STK11IP: variants seen among roughly 807,000 people sequenced by gnomAD.
The protein encoded by STK11IP is serine/threonine-protein kinase 11-interacting protein.
STK11IP carries 103 observed loss-of-function variants against 131.7 expected under a neutral mutation model. That is an observed-to-expected ratio of 0.78 (90% confidence interval 0.67 to 0.92). The LOEUF (loss-of-function observed/expected upper bound fraction) is 0.92, where lower values mean the gene tolerates loss of function less well. STK11IP is among the 40% of genes least tolerant of loss of function. The pLI is 0.00. For synonymous variants in STK11IP, 557 were observed against 575.6 expected, an observed-to-expected ratio of 0.97 and a Z score of 0.46; for missense variants, 1,315 against 1,385.7, an observed-to-expected ratio of 0.95 and a Z score of 0.81.
At chr2:219,615,506 C>G (rs1223516695) in intron 24 of STK11IP, among the ~76,000 whole-genome samples, 165 bp downstream of exon 24, 2 of 101,518 alleles carry the variant, frequency 2.0e-5, no homozygotes, top group Non-Finnish European at 4.1e-5. Flanking sequence ...GGACTCTAGG[C>G]TTGGATGAAT....
chr2:219,600,505 T>C (rs1289147052), intron 2 of STK11IP, among the ~76,000 whole-genome samples: 1 of 152,228 alleles, frequency 6.6e-6, no homozygotes, highest in Admixed American at 6.5e-5. Flanking sequence ...TGCAGCATTC[T>C]TTGACTCCAT....
chr2:219,608,986 G>T, intron 15 of STK11IP, 111 bp from the exon 16 acceptor site: 2 of 1,072,676 alleles, frequency 1.9e-6, no homozygotes, highest in Non-Finnish European at 2.7e-6. Context: ...CGTCAGTACA[G>T]GCCTTTGACA....
At chr2:219,603,793 T>C (rs1345178200) in intron 7 of STK11IP, among the ~76,000 whole-genome samples, 1 of 152,184 alleles carries the variant, frequency 6.6e-6, no homozygotes, top group Non-Finnish European at 1.5e-5. Context: ...ATGCTGGGAT[T>C]ACAGGTGTGA....
At chr2:219,610,857 C>T (rs1236466045) in intron 17 of STK11IP, among the ~76,000 whole-genome samples, 2 of 152,186 alleles carry the variant, frequency 1.3e-5, no homozygotes, top group Non-Finnish European at 2.9e-5. Flanking sequence ...TAGCTGCTGC[C>T]GTTGTCCCCA....
At chr2:219,599,765 G>T (rs186638706) in intron 2 of STK11IP, among the ~76,000 whole-genome samples, 1 of 147,756 alleles carries the variant, frequency 6.8e-6, no homozygotes, top group African/African-American at 2.5e-5. Context: ...ATGGAGTCTC[G>T]CTCTGTCACC....
At chr2:219,599,264 T>A (rs1204992336) in intron 2 of STK11IP, among the ~76,000 whole-genome samples, 1 of 152,116 alleles carries the variant, frequency 6.6e-6, no homozygotes, top group Non-Finnish European at 1.5e-5. Context: ...AATTTTTGTA[T>A]TTTTAGTAGA....
chr2:219,611,495 G>A, intron 17 of STK11IP, 109 bp from the exon 18 acceptor site: 1 of 941,416 alleles, frequency 1.1e-6, no homozygotes, highest in South Asian at 1.5e-5. Context: ...TGAAGCTGGA[G>A]GCTTGGGCTC....
rs769836026 is a variant in STK11IP, at chr2:219,615,773, G to C, written c.3118-271G>C. 3.7e-5 allele frequency: 25 copies of C among 682,002 alleles called. No individual in the cohort carries two copies. In the South Asian group the frequency reaches 3.8e-4, roughly 10 times the overall value. The allele number at this position is 682,002 out of a possible 1,614,324, so 42.2% of individuals were successfully genotyped here. A position where few individuals can be genotyped will look rare whatever the true frequency, so the allele number is the denominator to read the frequency against. ...GTCCAAAGTGGTGGAGCCGGGAATT[G>C]AATCCACAGTTCCCTGAAATTGAGC... On this transcript the variant is annotated intron_variant, in intron 24 of 24. Coordinates refer to ENST00000456909, the MANE Select transcript of STK11IP (RefSeq NM_052902.4).
chr2:219,608,931 C>T (rs675291), intron 15 of STK11IP, 143 bp downstream of exon 15: 1,053,283 of 1,122,190 alleles, frequency 0.94, 504,395 homozygotes, highest in East Asian at 1. Flanking sequence ...TGCAAGCACT[C>T]GGGAAGCTGG....
Position 219,608,029 on chromosome 2 carries a change from G to C in STK11IP, c.1220-18G>C, listed in dbSNP as rs1455178882. The C allele has an allele frequency of 6.2e-7, 1 of 1,604,356 alleles. No homozygotes were observed. Among genetic ancestry groups the C allele is most frequent in the Admixed American group, 1.7e-5 (1 of 59,778 alleles). ...TGTGGGGCAGGCTTGCTCAGTTCTG[G>C]GTTCCCCTCCTGCCTAGGATGGTTC... On this transcript the variant is annotated intron_variant, in intron 13 of 24. Transcript: ENST00000456909.
In STK11IP at chr2:219,602,034, A is replaced by G. The variant is rs752175483; in HGVS notation, c.389A>G (p.Tyr130Cys). 4.3e-6 allele frequency: 7 copies of G among 1,611,134 alleles called. No homozygotes were observed. In the East Asian group the frequency reaches 1.3e-4, roughly 31 times the overall value. Residue 130 changes from tyrosine (Y) to cysteine (C), a missense_variant, in exon 5 of 25, where the codon TAC becomes TGC. Coordinates refer to ENST00000456909, the MANE Select transcript of STK11IP (RefSeq NM_052902.4). ...LHCLHGLRGI[Y>C]SQLETLICSR... Reference sequence around the variant, plus strand: ...TGTCTGCATGGCCTCCGAGGCATCTACTCCCAGCTGGAGACCCTGATTTGC... The same window carrying G: ...TGTCTGCATGGCCTCCGAGGCATCTGCTCCCAGCTGGAGACCCTGATTTGC...
intron 13 of STK11IP, among the ~76,000 whole-genome samples, chr2:219,607,371 T>C (rs149334878): frequency 3.9e-4 from 59 of 152,160 alleles, no homozygotes; most frequent in African/African-American, 1.4e-3. Flanking sequence ...CAAGAGATCA[T>C]GTAGGCCAGG....
Position 219,601,215 on chromosome 2 carries a change from G to A in STK11IP, c.62-20G>A. 6.2e-7 allele frequency: 1 copy of A among 1,601,190 alleles called. No homozygotes were observed. The highest frequency in any genetic ancestry group is 2.2e-5 in the East Asian group (1 of 44,652). On this transcript the variant is annotated intron_variant, in intron 2 of 24. Coordinates refer to ENST00000456909, the MANE Select transcript of STK11IP (RefSeq NM_052902.4). ...ATCTTTTCACTGTGTCTTCCCTCCT[G>A]TTTGCCCCTTTTTCTGCAGGGGATG...
At chr2:219,610,775 T>TA (rs766299055) in intron 17 of STK11IP, among the ~76,000 whole-genome samples, 3 of 152,154 alleles carry the variant, frequency 2.0e-5, no homozygotes, top group Admixed American at 6.5e-5. Context: ...ATGGTGCTGT[T>TA]ACGCTATTTA....
chr2:219,608,077 A>G lies in STK11IP; in HGVS notation c.1250A>G (p.Glu417Gly), dbSNP rs1471431328. The change falls in exon 14 of 25, where the codon GAG becomes GGG. Residue 417 changes from glutamate (E) to glycine (G), a missense_variant. By Grantham distance (98) the Glu-to-Gly change is moderately conservative (BLOSUM62 -2). Coordinates refer to ENST00000456909, the MANE Select transcript of STK11IP (RefSeq NM_052902.4). ...TTCGTGCAGCAGCACCCGGAGCTGG[A>G]GCTCATGAGCAGCTTCCGGGAACGG... ...GWFVQQHPEL[E>G]LMSSFRERFG... is the part of the protein sequence containing the mutation. The G allele has an allele frequency of 6.2e-7, 1 of 1,612,358 alleles. No individual in the cohort carries two copies. The highest frequency in any genetic ancestry group is 8.5e-7 in the Non-Finnish European group (1 of 1,179,840).
At position 219,614,247 on chromosome 2, in the gene STK11IP, G is replaced by C; in HGVS notation, c.2798+5G>C. ...CACCCCCCAGCACCGGCTCTGGTGA[G>C]TCGATAGGAGGCAGAGGCTGGGGTT... is the stretch of plus-strand genomic sequence containing the variant. On this transcript the variant is annotated splice_donor_5th_base_variant and intron_variant, in intron 22 of 24. Coordinates refer to ENST00000456909, the MANE Select transcript of STK11IP (RefSeq NM_052902.4). The C allele has an allele frequency of 6.2e-7, 1 of 1,613,182 alleles. No homozygotes were observed. Among genetic ancestry groups the C allele is most frequent in the Non-Finnish European group, 8.5e-7 (1 of 1,179,698 alleles).
chr2:219,615,208 C>G lies in STK11IP; in HGVS notation c.2984C>G (p.Ala995Gly). The change falls in exon 24 of 25, where the codon GCC (alanine) becomes GGC (glycine). Residue 995 changes from alanine (A) to glycine (G), a missense_variant. Ala to Gly is a moderately conservative substitution (Grantham distance 60). Coordinates refer to ENST00000456909, the MANE Select transcript of STK11IP (RefSeq NM_052902.4). Reference protein sequence around the residue: ...EPSPPAASGEASEKVPPSGPG... With the variant: ...EPSPPAASGEGSEKVPPSGPG... ...TCTCCTCCAGCAGCATCTGGCGAAGCCTCTGAGAAGGTGCCTCCCTCGGGG... is the reference window on the plus strand; with the variant it reads ...TCTCCTCCAGCAGCATCTGGCGAAGGCTCTGAGAAGGTGCCTCCCTCGGGG... The G allele has an allele frequency of 6.3e-7, 1 of 1,596,328 alleles. No individual in the cohort carries two copies. The highest frequency in any genetic ancestry group is 8.5e-7 in the Non-Finnish European group (1 of 1,174,940).
chr2:219,601,304 T>G lies in STK11IP; in HGVS notation c.131T>G (p.Val44Gly), dbSNP rs1200530458. 3 of 1,613,942 alleles carry G rather than the reference T, an allele frequency of 1.9e-6. No individual in the cohort carries two copies. Among genetic ancestry groups the G allele is most frequent in the Non-Finnish European group, 2.5e-6 (3 of 1,179,918 alleles). The change falls in exon 3 of 25, where the codon GTA (valine) becomes GGA (glycine). Residue 44 changes from valine to glycine, a missense_variant. Coordinates refer to ENST00000456909, the MANE Select transcript of STK11IP (RefSeq NM_052902.4). ...CCCACACTGCAACAGCTGAACCACG[T>G]ATTTGAGCTGCACCTGGGGCCATGG... Reference protein sequence around the residue: ...LTPTLQQLNHVFELHLGPWGP... With the variant: ...LTPTLQQLNHGFELHLGPWGP...
chr2:219,611,633 A>G lies in STK11IP; in HGVS notation c.2134A>G (p.Ser712Gly). ...TCCTGCTGTGTGTCCTAACTGTGGTAGTGACCACGTGGTTCTCCTCGCTGT... is the reference window on the plus strand; with the variant it reads ...TCCTGCTGTGTGTCCTAACTGTGGTGGTGACCACGTGGTTCTCCTCGCTGT... Reference protein sequence around the residue: ...ESPAVCPNCGSDHVVLLAVSR... With the variant: ...ESPAVCPNCGGDHVVLLAVSR... Residue 712 changes from serine to glycine, a missense_variant, in exon 18 of 25, where the codon AGT becomes GGT. Physicochemically the swap from Ser to Gly is moderately conservative, Grantham distance 56. Coordinates refer to ENST00000456909, the MANE Select transcript of STK11IP (RefSeq NM_052902.4). 1.9e-6 allele frequency: 3 copies of G among 1,613,008 alleles called. No homozygotes were observed. The highest frequency in any genetic ancestry group is 2.5e-6 in the Non-Finnish European group (3 of 1,179,810).
Sources: gnomAD v4.1 joint callset for allele counts (sites outside exome capture counted in the v4.1 genomes callset) on GRCh38, gnomAD v4.1.1 for gene constraint, MANE v1.5 for transcripts, NCBI Gene and HGNC (gene_info 2026-07-23, HGNC 2026-07-21) for gene names.